GRM5: variants seen among roughly 807,000 people sequenced by gnomAD.
GRM5 encodes the protein metabotropic glutamate receptor 5.
GRM5 carries 19 observed loss-of-function variants against 83.1 expected under a neutral mutation model. The ratio of observed to expected loss-of-function variants is 0.23; its 90% CI spans 0.16 to 0.34. The LOEUF (loss-of-function observed/expected upper bound fraction) is 0.34, where lower values mean the gene tolerates loss of function less well. Ranked by LOEUF, GRM5 falls within the 10% of genes least tolerant of loss-of-function variation. The pLI is 1.00. For synonymous variants in GRM5, 675 were observed against 633.6 expected (o/e 1.07, Z -0.98); for missense variants, 1,160 against 1,588.3 (o/e 0.73, Z 4.58).
At chr11:88,574,553 G>T (rs547341122) in intron 7 of GRM5, among the ~76,000 whole-genome samples, 1 of 152,116 alleles carries the variant, frequency 6.6e-6, no homozygotes, top group Non-Finnish European at 1.5e-5. Flanking sequence ...TGGATCACAA[G>T]GTCAGGAGTT....
At chr11:88,526,805 T>G (rs1045404329) in intron 8 of GRM5, among the ~76,000 whole-genome samples, 2 of 152,092 alleles carry the variant, frequency 1.3e-5, no homozygotes, top group Admixed American at 1.3e-4. Context: ...CAAAATGAAT[T>G]TAATGGATTA....
intron 3 of GRM5, among the ~76,000 whole-genome samples, chr11:88,823,750 C>T (rs1222112787): frequency 2.6e-5 from 4 of 152,120 alleles, no homozygotes; most frequent in Admixed American, 6.6e-5. Context: ...GGGCTATCAA[C>T]ATTTAGTTTG....
At chr11:88,966,962 G>T (rs536003608) in intron 2 of GRM5, among the ~76,000 whole-genome samples, 10 of 152,082 alleles carry the variant, frequency 6.6e-5, no homozygotes, top group Non-Finnish European at 1.3e-4. Flanking sequence ...ATCTTTCAAA[G>T]CTAGCTGTGG....
chr11:88,985,344 T>C (rs536951976), intron 2 of GRM5, among the ~76,000 whole-genome samples: 2 of 152,144 alleles, frequency 1.3e-5, no homozygotes, highest in African/African-American at 4.8e-5. Context: ...ATTAAGAGAA[T>C]GGAAAAAATT....
At chr11:88,729,994 C>A (rs1448826248) in intron 3 of GRM5, among the ~76,000 whole-genome samples, 2 of 152,088 alleles carry the variant, frequency 1.3e-5, no homozygotes, top group African/African-American at 2.4e-5. Context: ...ACTAAAACAC[C>A]AAAAGCAATG....
At chr11:88,628,539 A>C (rs1324708469) in intron 4 of GRM5, among the ~76,000 whole-genome samples, 1 of 152,212 alleles carries the variant, frequency 6.6e-6, no homozygotes. Context: ...AACAGCTCAA[A>C]TATCCTGGAT....
chr11:88,746,581 A>T (rs1378785837), intron 3 of GRM5, among the ~76,000 whole-genome samples: 1 of 152,094 alleles, frequency 6.6e-6, no homozygotes, highest in African/African-American at 2.4e-5. Context: ...AAAAAAAAAA[A>T]AATAAGCTTA....
Position 89,001,393 on chromosome 11 carries a change from A to G in GRM5, c.661+45819T>C, listed in dbSNP as rs1940373329. Among the ~76,000 whole-genome samples, 5 of 152,154 alleles carry G rather than the reference A, an allele frequency of 3.3e-5. No homozygotes were observed. In the South Asian group the frequency reaches 8.3e-4, roughly 25 times the overall value. The stretch of plus-strand genomic sequence containing the variant: ...CATATCAGGGGACAGAGATATTGAT[A>G]CAGCCAACAACCTATATAAATCACC... On this transcript the variant is annotated intron_variant, in intron 2 of 9. Transcript: ENST00000305447.
At chr11:88,837,978 G>C (rs1944122765) in intron 3 of GRM5, among the ~76,000 whole-genome samples, 1 of 150,018 alleles carries the variant, frequency 6.7e-6, no homozygotes, top group Non-Finnish European at 1.5e-5. Flanking sequence ...CCAGCTACTT[G>C]GGAGGCTGAG....
chr11:88,534,928 G>C (rs1028549739), intron 8 of GRM5, among the ~76,000 whole-genome samples: 1 of 152,156 alleles, frequency 6.6e-6, no homozygotes, highest in Non-Finnish European at 1.5e-5. Context: ...GGGGAAACTT[G>C]TTTTGCTTGG....
chr11:88,731,101 T>C (rs1219446954), intron 3 of GRM5, among the ~76,000 whole-genome samples: 1 of 152,126 alleles, frequency 6.6e-6, no homozygotes, highest in African/African-American at 2.4e-5. Context: ...AAACAGAAAC[T>C]TCTATTATCC....
intron 8 of GRM5, among the ~76,000 whole-genome samples, chr11:88,559,967 T>C (rs1352091048): frequency 6.6e-6 from 1 of 152,078 alleles, no homozygotes; most frequent in Non-Finnish European, 1.5e-5. Flanking sequence ...AGAATTGGTA[T>C]CTAAGATGAG....
chr11:89,043,506 C>T (rs1380827303), intron 2 of GRM5, among the ~76,000 whole-genome samples: 2 of 152,036 alleles, frequency 1.3e-5, no homozygotes, highest in Non-Finnish European at 2.9e-5. Context: ...TTTAAATATT[C>T]TTTCTTGCCC....
chr11:88,587,807 T>G (rs1943348575), intron 7 of GRM5, among the ~76,000 whole-genome samples: 1 of 152,182 alleles, frequency 6.6e-6, no homozygotes, highest in Non-Finnish European at 1.5e-5. Flanking sequence ...TAGATCATGC[T>G]TTTTTAATCC....
chr11:88,726,129 T>A (rs964347615), intron 3 of GRM5, among the ~76,000 whole-genome samples: 2 of 152,052 alleles, frequency 1.3e-5, no homozygotes, highest in Admixed American at 1.3e-4. Flanking sequence ...GTAAAGAAGC[T>A]AAGAACCTTG....
At chr11:88,700,692 A>T (rs970204719) in intron 3 of GRM5, among the ~76,000 whole-genome samples, 5 of 152,098 alleles carry the variant, frequency 3.3e-5, no homozygotes, top group Admixed American at 3.3e-4. Flanking sequence ...ATAATGTTGC[A>T]CAAGACAAAG....
intron 9 of GRM5, among the ~76,000 whole-genome samples, chr11:88,516,178 G>A (rs373873227): frequency 5.3e-5 from 8 of 152,170 alleles, no homozygotes; most frequent in African/African-American, 1.7e-4. Context: ...TGAACTATAT[G>A]ATCTTGAATG....
At chr11:88,716,969 C>T (rs1591462270) in intron 3 of GRM5, among the ~76,000 whole-genome samples, 2 of 152,088 alleles carry the variant, frequency 1.3e-5, no homozygotes, top group African/African-American at 4.8e-5. Flanking sequence ...GTGGCTAACT[C>T]AAGGGACTTA....
At chr11:88,833,390 C>T (rs1245765030) in intron 3 of GRM5, among the ~76,000 whole-genome samples, 1 of 152,088 alleles carries the variant, frequency 6.6e-6, no homozygotes, top group Non-Finnish European at 1.5e-5. Flanking sequence ...GAATGCTCCA[C>T]ATCAATAAGC....
Sources: allele counts gnomAD v4.1 joint callset (sites outside exome capture counted in the v4.1 genomes callset), GRCh38; gene constraint gnomAD v4.1.1; transcripts MANE v1.5; gene names NCBI Gene and HGNC (gene_info 2026-07-23, HGNC 2026-07-21).